The following NBEA variants were observed in gnomAD, a reference collection of about 807,000 sequenced individuals.
NBEA encodes lysosomal-trafficking regulator 2.
NBEA carries 44 observed loss-of-function variants against 343.4 expected under a neutral mutation model. The ratio of observed to expected loss-of-function variants is 0.13; its 90% CI spans 0.10 to 0.16. NBEA has a LOEUF of 0.16. Among genes scored for constraint, NBEA ranks in the 10% least tolerant of loss-of-function variants. The pLI, the probability that NBEA is intolerant of heterozygous loss-of-function variation, is 1.00. For synonymous variants in NBEA, 1,175 were observed against 1,238.7 expected, an observed-to-expected ratio of 0.95 and a Z score of 1.08; for missense variants, 2,555 against 3,631.3, an observed-to-expected ratio of 0.70 and a Z score of 7.62.
At chr13:35,051,033 A>G (rs2063048800) in intron 6 of NBEA, among the ~76,000 whole-genome samples, 1 of 152,020 alleles carries the variant, frequency 6.6e-6, no homozygotes, top group Non-Finnish European at 1.5e-5. Flanking sequence ...ATTATAAGAG[A>G]TAATTCATTC....
At chr13:35,357,477 G>A (rs2040555563) in intron 38 of NBEA, among the ~76,000 whole-genome samples, 1 of 151,958 alleles carries the variant, frequency 6.6e-6, no homozygotes, top group East Asian at 1.9e-4. Context: ...AGGCCCCAGT[G>A]TGTGTTGTTC....
At chr13:35,427,482 G>A (rs185700032) in intron 38 of NBEA, among the ~76,000 whole-genome samples, 2 of 152,172 alleles carry the variant, frequency 1.3e-5, no homozygotes, top group South Asian at 2.1e-4. Flanking sequence ...CTGCCGAATC[G>A]TTCCTCTGGA....
At chr13:35,273,162 C>T (rs1025791101) in intron 34 of NBEA, among the ~76,000 whole-genome samples, 9 of 152,116 alleles carry the variant, frequency 5.9e-5, no homozygotes, top group Non-Finnish European at 2.9e-5. Context: ...TCTCTCAGAC[C>T]ACAGTGCAAT....
intron 40 of NBEA, among the ~76,000 whole-genome samples, chr13:35,458,307 G>T (rs753162281): frequency 6.6e-5 from 10 of 152,080 alleles, no homozygotes; most frequent in Non-Finnish European, 1.0e-4. Context: ...ATAAAGCCTT[G>T]CATTGTAGCT....
intron 38 of NBEA, among the ~76,000 whole-genome samples, chr13:35,361,004 A>G (rs2040776028): frequency 6.6e-6 from 1 of 152,046 alleles, no homozygotes; most frequent in Non-Finnish European, 1.5e-5. Flanking sequence ...CAAGAAGCTC[A>G]GAGATGACAA....
intron 41 of NBEA, among the ~76,000 whole-genome samples, chr13:35,477,428 G>C (rs528644007): frequency 1.8e-4 from 27 of 152,270 alleles, no homozygotes; most frequent in African/African-American, 5.8e-4. Context: ...TTTGCACTTT[G>C]GTGGACTTGC....
chr13:35,336,240 A>G (rs1389276625), intron 36 of NBEA, among the ~76,000 whole-genome samples: 4 of 152,260 alleles, frequency 2.6e-5, no homozygotes, highest in South Asian at 4.1e-4. Context: ...AAGAATTGCC[A>G]TATTATAATA....
intron 24 of NBEA, among the ~76,000 whole-genome samples, chr13:35,167,339 A>G (rs928737026): frequency 2.0e-5 from 3 of 151,990 alleles, no homozygotes; most frequent in African/African-American, 7.2e-5. Context: ...TATACTAGAG[A>G]TAACATTTTT....
chr13:35,243,305 TCA>T (rs945360817), intron 34 of NBEA, among the ~76,000 whole-genome samples: 12 of 151,124 alleles, frequency 7.9e-5, no homozygotes, highest in Non-Finnish European at 1.3e-4. Context: ...AAAAAGCAAA[TCA>T]CAACAAAATT....
chr13:35,639,540 T>A (rs989639904), intron 49 of NBEA, among the ~76,000 whole-genome samples: 1 of 152,210 alleles, frequency 6.6e-6, no homozygotes, highest in Non-Finnish European at 1.5e-5. Flanking sequence ...TGTATTTTTT[T>A]ATTTTGTGTC....
Position 35,159,805 on chromosome 13 carries a change from A to G in NBEA, c.3634A>G (p.Thr1212Ala). ...IIEEKEFKIH[T>A]TSDGMSSISE... is the part of the protein sequence containing the mutation. ...AGAAGAAAAAGAATTCAAAATCCAT[A>G]CAACTTCAGATGGAATGAGCAGTAT... The change falls in exon 22 of 59, where the codon ACA (threonine) becomes GCA (alanine). Residue 1212 changes from threonine (T) to alanine (A), a missense_variant. Physicochemically the swap from Thr to Ala is moderately conservative, Grantham distance 58. Coordinates refer to ENST00000379939, the MANE Select transcript of NBEA (RefSeq NM_001385012.1). 6.2e-7 allele frequency: 1 copy of G among 1,611,554 alleles called. No individual in the cohort carries two copies. Among genetic ancestry groups the G allele is most frequent in the Non-Finnish European group, 8.5e-7 (1 of 1,178,756 alleles).
intron 40 of NBEA, among the ~76,000 whole-genome samples, chr13:35,468,256 G>C (rs1387433677): frequency 6.6e-6 from 1 of 152,108 alleles, no homozygotes; most frequent in Non-Finnish European, 1.5e-5. Flanking sequence ...CTAGGCCATG[G>C]CGTTCTCTTG....
At chr13:35,110,107 C>T (rs1312973213) in intron 12 of NBEA, among the ~76,000 whole-genome samples, 1 of 137,184 alleles carries the variant, frequency 7.3e-6, no homozygotes, top group Non-Finnish European at 1.5e-5. Flanking sequence ...GCACATTGTG[C>T]AGGTTAGTTA....
At chr13:35,596,986 T>C (rs748764854) in intron 47 of NBEA, among the ~76,000 whole-genome samples, 7 of 152,130 alleles carry the variant, frequency 4.6e-5, no homozygotes, top group Non-Finnish European at 7.4e-5. Flanking sequence ...GGATCGGATT[T>C]GATTTCACTA....
intron 41 of NBEA, among the ~76,000 whole-genome samples, chr13:35,473,010 A>G (rs1051371048): frequency 2.6e-5 from 4 of 152,232 alleles, no homozygotes; most frequent in Non-Finnish European, 5.9e-5. Context: ...ATCTCCTGAA[A>G]TAAGAATGGG....
chr13:35,581,331 G>C (rs1053394533), intron 45 of NBEA, among the ~76,000 whole-genome samples: 8 of 151,958 alleles, frequency 5.3e-5, no homozygotes, highest in South Asian at 2.1e-4. Context: ...GTGTGAGATG[G>C]TATCTCATTG....
At chr13:35,558,669 C>G (rs887813988) in intron 44 of NBEA, among the ~76,000 whole-genome samples, 1 of 152,218 alleles carries the variant, frequency 6.6e-6, no homozygotes, top group African/African-American at 2.4e-5. Flanking sequence ...GACTCCTCCT[C>G]AAGCCTACAG....
At chr13:35,148,369 A>T (rs1049928425) in intron 18 of NBEA, among the ~76,000 whole-genome samples, 3 of 152,180 alleles carry the variant, frequency 2.0e-5, no homozygotes, top group African/African-American at 4.8e-5. Flanking sequence ...AGTAGTTGTA[A>T]TGGAGATTAT....
At chr13:34,989,954 A>G (rs1424110610) in intron 1 of NBEA, among the ~76,000 whole-genome samples, 3 of 151,184 alleles carry the variant, frequency 2.0e-5, no homozygotes, top group Non-Finnish European at 4.4e-5. Flanking sequence ...AAGCCCAGAA[A>G]GGCAGTCATC....
Sources: gnomAD v4.1 joint callset for allele counts (sites outside exome capture counted in the v4.1 genomes callset) on GRCh38, gnomAD v4.1.1 for gene constraint, MANE v1.5 for transcripts, NCBI Gene and HGNC (gene_info 2026-07-23, HGNC 2026-07-21) for gene names.